ADAM7: variants seen among roughly 807,000 people sequenced by gnomAD.
ADAM7 encodes the protein ADAM metallopeptidase domain 7, also known as disintegrin and metalloproteinase domain-containing protein 7.
A neutral mutation model predicts 102.9 loss-of-function variants in ADAM7; 97 were observed. The observed-to-expected ratio is 0.94, with a 90% CI of 0.80 to 1.12. The LOEUF is 1.12. ADAM7 is among the 50% of genes most tolerant of loss of function. The probability of loss-of-function intolerance (pLI) is 0.00; values close to 1 mark genes in which losing one functional copy is unlikely to be tolerated. For missense variants in ADAM7, 991 were observed against 908.7 expected (o/e 1.09, Z -1.16); for synonymous variants, 334 against 304.4 (o/e 1.10, Z -1.01).
chr8:24,443,991 A>C (rs2129371644), intron 2 of ADAM7, among the ~76,000 whole-genome samples: 1 of 151,444 alleles, frequency 6.6e-6, no homozygotes, highest in Admixed American at 6.6e-5. Flanking sequence ...ATCATTATGA[A>C]TATACCAGAT....
At chr8:24,461,713 A>C (rs1367660466) in intron 3 of ADAM7, among the ~76,000 whole-genome samples, 1 of 151,526 alleles carries the variant, frequency 6.6e-6, no homozygotes, top group Non-Finnish European at 1.5e-5. Context: ...AGGTTAGGTA[A>C]TTTCTATTAA....
chr8:24,462,429 G>A (rs375649314), intron 3 of ADAM7, among the ~76,000 whole-genome samples: 65 of 152,128 alleles, frequency 4.3e-4, no homozygotes, highest in African/African-American at 1.3e-3. Context: ...AGTTTTATCC[G>A]TCCTCTATAA....
chr8:24,492,373 A>G (rs1473283423), intron 14 of ADAM7, 122 bp from the exon 15 acceptor site: 4 of 785,404 alleles, frequency 5.1e-6, no homozygotes, highest in Non-Finnish European at 8.0e-6. Flanking sequence ...TAAATAATTT[A>G]TTCCATTCTA....
chr8:24,447,935 AAAAC>A (rs1252117851), intron 3 of ADAM7, among the ~76,000 whole-genome samples: 8 of 111,216 alleles, frequency 7.2e-5, no homozygotes, highest in Admixed American at 5.9e-4. Context: ...AGTAAATAAC[AAAAC>A]ACACACACAC....
In ADAM7 at chr8:24,489,295, T is replaced by C. The variant is rs1415850359; in HGVS notation, c.1228T>C (p.Leu410=). Residue 410 remains leucine, a synonymous_variant, in exon 12 of 22, where the codon TTG becomes CTG. Coordinates refer to ENST00000175238, the MANE Select transcript of ADAM7 (RefSeq NM_003817.4). ...TTTCCAATTTTGTGGAAACAAGAAG[T>C]TGGATGAGGGTGAAGAGTGTGACTG... is the stretch of plus-strand genomic sequence containing the variant. ...HDFQFCGNKK[L]DEGEECDCGP... is the part of the protein sequence containing the mutation. The C allele has an allele frequency of 1.2e-6, 2 of 1,613,350 alleles. No homozygotes were observed. The highest frequency in any genetic ancestry group is 2.2e-5 in the East Asian group (1 of 44,838).
intron 16 of ADAM7, among the ~76,000 whole-genome samples, chr8:24,497,078 C>T (rs114124563): frequency 5.6e-4 from 85 of 152,216 alleles, no homozygotes; most frequent in African/African-American, 2.0e-3. Context: ...ATGCTGTTCT[C>T]CTGATACTGA....
At position 24,501,501 on chromosome 8, in the gene ADAM7, G is replaced by A. The variant is rs571148489; in HGVS notation, c.2133G>A (p.Val711=). The A allele has an allele frequency of 2.2e-5, 35 of 1,607,414 alleles. 1 individual carries two copies. The South Asian group carries it at 3.7e-4, about 17-fold the overall frequency. The change falls in exon 20 of 22, where the codon GTG becomes GTA. Residue 711 remains valine (V), a synonymous_variant. Transcript: ENST00000175238. The part of the protein sequence containing the change: ...VQSPPTETLG[V]ENKGYFGDEQ... The stretch of plus-strand genomic sequence containing the variant: ...GCCCACCTACAGAAACCCTGGGAGT[G>A]GAGAACAAAGGATACTTTGGTGATG...
intron 7 of ADAM7, among the ~76,000 whole-genome samples, chr8:24,471,451 A>G (rs1303289080): frequency 7.4e-6 from 1 of 134,716 alleles, no homozygotes; most frequent in Admixed American, 8.0e-5. Context: ...AAGTTCCCTA[A>G]GGAAGTGTAC....
intron 12 of ADAM7, among the ~76,000 whole-genome samples, chr8:24,490,108 C>G (rs935188350): frequency 6.6e-6 from 1 of 152,064 alleles, no homozygotes; most frequent in African/African-American, 2.4e-5. Context: ...ATGCACAATA[C>G]CAGGAGGTCT....
At chr8:24,455,427 C>A (rs1315885213) in intron 3 of ADAM7, among the ~76,000 whole-genome samples, 1 of 152,170 alleles carries the variant, frequency 6.6e-6, no homozygotes, top group Non-Finnish European at 1.5e-5. Flanking sequence ...TTTTGAGACA[C>A]AGCCTCACTC....
rs1337754275 is a variant in ADAM7 at position 24,492,134 on chromosome 8, G to A, written c.1552+36G>A. ...ATCACAGTGAAGTATTCACACAGAT[G>A]GTGGCCTCTATTTCTCTGTTATTGC... On this transcript the variant is annotated intron_variant, in intron 14 of 21. Transcript: ENST00000175238. 3.2e-6 allele frequency: 5 copies of A among 1,578,366 alleles called. No homozygotes were observed. The African/African-American group carries it at 4.1e-5, about 13-fold the overall frequency.
chr8:24,466,995 A>T lies in ADAM7; in HGVS notation c.579+7A>T. 6.2e-7 allele frequency: 1 copy of T among 1,603,014 alleles called. No individual in the cohort carries two copies. The highest frequency in any genetic ancestry group is 8.5e-7 in the Non-Finnish European group (1 of 1,172,988). On this transcript the variant is annotated splice_region_variant and intron_variant, in intron 6 of 21. Transcript: ENST00000175238. ...AGAAGACTCCAAAATAAAAGTGAGT[A>T]CTTTATTATTATCTTTACCCCAAAT...
intron 7 of ADAM7, 101 bp from the exon 8 acceptor site, chr8:24,476,332 A>G (rs1003420316): frequency 4.8e-5 from 39 of 806,868 alleles, no homozygotes; most frequent in African/African-American, 1.9e-4. Context: ...CATTAGGCCA[A>G]TGATTTTTTT....
At chr8:24,450,227 AAG>A (rs1818728687) in intron 3 of ADAM7, among the ~76,000 whole-genome samples, 1 of 152,118 alleles carries the variant, frequency 6.6e-6, no homozygotes. Context: ...TTGAATCTGT[AAG>A]TTACCTTGGG....
chr8:24,470,898 T>A (rs533299149), intron 7 of ADAM7, among the ~76,000 whole-genome samples: 1 of 152,156 alleles, frequency 6.6e-6, no homozygotes, highest in Non-Finnish European at 1.5e-5. Flanking sequence ...ATAGCTTAGG[T>A]GAGTCTTTCA....
chr8:24,451,663 G>T (rs1347209576), intron 3 of ADAM7, among the ~76,000 whole-genome samples: 1 of 151,338 alleles, frequency 6.6e-6, no homozygotes, highest in African/African-American at 2.4e-5. Context: ...GTTCTGCTCT[G>T]ATTTTAGTTA....
intron 16 of ADAM7, among the ~76,000 whole-genome samples, chr8:24,495,055 T>C (rs1406780515): frequency 6.6e-6 from 1 of 152,188 alleles, no homozygotes; most frequent in Non-Finnish European, 1.5e-5. Flanking sequence ...TGATGAATTC[T>C]TCCAACCCCA....
chr8:24,482,388 A>G (rs953892401), intron 9 of ADAM7, 77 bp downstream of exon 9: 1 of 1,469,710 alleles, frequency 6.8e-7, no homozygotes, highest in Admixed American at 2.3e-5. Flanking sequence ...TAACAGAAAA[A>G]AAACATTTTT....
intron 3 of ADAM7, among the ~76,000 whole-genome samples, chr8:24,458,416 G>A (rs983002259): frequency 6.6e-6 from 1 of 152,030 alleles, no homozygotes; most frequent in Non-Finnish European, 1.5e-5. Context: ...TATTTCTGGT[G>A]GTTATATAAG....
Sources: allele counts gnomAD v4.1 joint callset (sites outside exome capture counted in the v4.1 genomes callset), GRCh38; gene constraint gnomAD v4.1.1; transcripts MANE v1.5; gene names NCBI Gene and HGNC (gene_info 2026-07-23, HGNC 2026-07-21).